LRP2BP: variants seen among roughly 807,000 people sequenced by gnomAD.
The protein encoded by LRP2BP is LRP2-binding protein.
LRP2BP carries 38 observed loss-of-function variants against 45.2 expected under a neutral mutation model. The ratio of observed to expected loss-of-function variants is 0.84; its 90% confidence interval spans 0.65 to 1.10. The LOEUF (loss-of-function observed/expected upper bound fraction) is 1.10. Among genes scored for constraint, LRP2BP ranks in the 50% least tolerant of loss-of-function variants. The pLI is 0.00. For synonymous variants in LRP2BP, 153 were observed against 153.9 expected (o/e 0.99, Z 0.04); for missense variants, 385 against 418.9 (o/e 0.92, Z 0.71).
chr4:185,376,945 C>T lies in LRP2BP; in HGVS notation c.180G>A (p.Leu60=), dbSNP rs921797965. The T allele has an allele frequency of 6.2e-7, 1 of 1,613,750 alleles. No homozygotes were observed. The highest frequency in any genetic ancestry group is 1.1e-5 in the South Asian group (1 of 91,070). Residue 60 remains leucine, a synonymous_variant, in exon 3 of 9, where the codon CTG becomes CTA. Transcript: ENST00000505916. Reference sequence around the variant, plus strand: ...ATAGTTGACCTCGTAGGAAATATGCCAGAGTGTCTCCTTTCAGTATTCTTT... The same window carrying T: ...ATAGTTGACCTCGTAGGAAATATGCTAGAGTGTCTCCTTTCAGTATTCTTT... The part of the protein sequence containing the change: ...LKERILKGDT[L]AYFLRGQLYF...
intron 8 of LRP2BP, among the ~76,000 whole-genome samples, chr4:185,369,300 C>A (rs1485927193): frequency 6.9e-6 from 1 of 145,748 alleles, no homozygotes; most frequent in Non-Finnish European, 1.5e-5. Flanking sequence ...CTCACTGCAA[C>A]CTCTGCTCCC....
At chr4:185,393,333 A>G (rs2095493303) in intron 1 of LRP2BP, among the ~76,000 whole-genome samples, 1 of 152,224 alleles carries the variant, frequency 6.6e-6, no homozygotes, top group African/African-American at 2.4e-5. Flanking sequence ...AGGAATGAGT[A>G]GGTATTCTCA....
chr4:185,377,026 T>C lies in LRP2BP; in HGVS notation c.107-8A>G, dbSNP rs1561083663. On this transcript the variant is annotated splice_region_variant and splice_polypyrimidine_tract_variant and intron_variant, in intron 2 of 8. Transcript: ENST00000505916. ...AATTAGCATGGGTGTAATCTGATTT[T>C]AAAAAGGTAAGGAATTCCATCAACC... 6.3e-7 allele frequency: 1 copy of C among 1,580,354 alleles called. No individual in the cohort carries two copies. Among genetic ancestry groups the C allele is most frequent in the Admixed American group, 1.7e-5 (1 of 59,936 alleles).
chr4:185,392,535 A>T (rs979771813), intron 1 of LRP2BP, among the ~76,000 whole-genome samples: 6 of 150,580 alleles, frequency 4.0e-5, no homozygotes, highest in African/African-American at 1.5e-4. Context: ...GTTTCTTGAC[A>T]GTGGCATTGC....
At chr4:185,368,505 G>C (rs1400900842) in intron 8 of LRP2BP, among the ~76,000 whole-genome samples, 1 of 152,118 alleles carries the variant, frequency 6.6e-6, no homozygotes, top group African/African-American at 2.4e-5. Context: ...GGACACTGCC[G>C]GTCCAGTGAA....
At chr4:185,369,762 A>G (rs909908060) in intron 8 of LRP2BP, 3 of 446,922 alleles carry the variant, frequency 6.7e-6, no homozygotes, top group South Asian at 1.6e-5. Context: ...AACTTCAACA[A>G]ATACGCTTCT....
At position 185,372,940 on chromosome 4, in the gene LRP2BP, C is replaced by T. The variant is rs748366572; in HGVS notation, c.719G>A (p.Arg240His). 6.2e-6 allele frequency: 10 copies of T among 1,613,822 alleles called. No individual in the cohort carries two copies. Among genetic ancestry groups the T allele is most frequent in the African/African-American group, 4.0e-5 (3 of 74,922 alleles). Residue 240 changes from arginine (R) to histidine (H), a missense_variant, in exon 7 of 9, where the codon CGC (arginine) becomes CAC (histidine). Arg to His is a conservative substitution (Grantham distance 29). Transcript: ENST00000505916. ...ALQCLREAAE[R>H]GNVYAQGNLV... ...ATTCCCTTGAGCATAGACGTTTCCG[C>T]GTTCTGCTGCTTCTCTTAAGCACTG...
intron 1 of LRP2BP, chr4:185,378,850 A>AT (rs2095446844): frequency 1.0e-6 from 1 of 985,390 alleles, no homozygotes; most frequent in South Asian, 4.7e-5. Flanking sequence ...ACACTTTTGT[A>AT]TTTACTCCTT....
In LRP2BP at chr4:185,371,412, G is replaced by C. The variant is rs548536303; in HGVS notation, c.804-598C>G. Among the ~76,000 whole-genome samples the C allele has an allele frequency of 1.6e-3, 242 of 152,024 alleles. 1 individual carries two copies. The highest frequency in any genetic ancestry group is 5.6e-3 in the African/African-American group (232 of 41,468). On this transcript the variant is annotated intron_variant, in intron 7 of 8. Transcript: ENST00000505916. ...AAAAAATTAGCTGGGCATGGTAGCG[G>C]GTGCCTGTAGTCCCAGCTACTCGGG... is the stretch of plus-strand genomic sequence containing the variant.
Position 185,374,469 on chromosome 4 carries a change from AAAAG to A in LRP2BP, c.331-12_331-9del, listed in dbSNP as rs551944280. On this transcript the variant is annotated splice_polypyrimidine_tract_variant and intron_variant, in intron 4 of 8. Coordinates refer to ENST00000505916, the MANE Select transcript of LRP2BP (RefSeq NM_001377440.1). ...ATAGTCCACCCCTTTCTCCTTCGACAAAAGAAAGAGCAAAAAAACCCTAGTTTTT... is the reference window on the plus strand; with the variant it reads ...ATAGTCCACCCCTTTCTCCTTCGACAAAAGAGCAAAAAAACCCTAGTTTTT... The A allele has an allele frequency of 8.6e-5, 138 of 1,605,846 alleles. No individual in the cohort carries two copies. In the South Asian group the frequency reaches 1.1e-3, roughly 12 times the overall value.
At chr4:185,381,982 T>C (rs1260721255) in intron 1 of LRP2BP, among the ~76,000 whole-genome samples, 1 of 152,200 alleles carries the variant, frequency 6.6e-6, no homozygotes, top group Admixed American at 6.5e-5. Context: ...TTCCAAAACC[T>C]TTTCATCATC....
rs550568455 is a variant in LRP2BP at position 185,395,191 on chromosome 4, C to A, written c.-434G>T. The A allele has an allele frequency of 4.3e-5, 42 of 985,174 alleles. No homozygotes were observed. The highest frequency in any genetic ancestry group is 1.8e-4 in the Admixed American group (3 of 16,252). The allele number at this position is 985,174 out of a possible 1,614,324, so 61.0% of individuals were successfully genotyped here. A position where few individuals can be genotyped will look rare whatever the true frequency, so the allele number is the denominator to read the frequency against. ...AAATTTCCTTTCCTTATGAAATTTA[C>A]GTATGTAACAGGAAGTTAAAAAATA... On this transcript the variant is annotated 5_prime_UTR_variant, in exon 1 of 9. Transcript: ENST00000505916.
Position 185,367,084 on chromosome 4 carries a change from AT to A in LRP2BP, c.*95del. On this transcript the variant is annotated 3_prime_UTR_variant, in exon 9 of 9. Coordinates refer to ENST00000505916, the MANE Select transcript of LRP2BP (RefSeq NM_001377440.1). ...CCTGTAAAATACCCAGGATAGTGTA[AT>A]TTGTGATGTGCAAAATAACCAAACA... The A allele has an allele frequency of 9.5e-7, 1 of 1,055,812 alleles. No homozygotes were observed. Among genetic ancestry groups the A allele is most frequent in the Non-Finnish European group, 1.4e-6 (1 of 691,892 alleles). 65.4% of individuals were successfully genotyped at this position (1,055,812 alleles called of 1,614,324 possible).
intron 6 of LRP2BP, among the ~76,000 whole-genome samples, chr4:185,373,393 A>T (rs1408056937): frequency 6.6e-6 from 1 of 152,074 alleles, no homozygotes; most frequent in East Asian, 1.9e-4. Flanking sequence ...CCAAATAGGA[A>T]CTCAGTGTCT....
upstream of LRP2BP, chr4:185,396,804 C>T: frequency 1.8e-6 from 2 of 1,124,272 alleles, no homozygotes; most frequent in Non-Finnish European, 2.6e-6. Flanking sequence ...CCGGAAGTCC[C>T]AGCGGTCTTT....
At chr4:185,369,046 G>A (rs1441015139) in intron 8 of LRP2BP, among the ~76,000 whole-genome samples, 2 of 151,778 alleles carry the variant, frequency 1.3e-5, no homozygotes, top group Non-Finnish European at 2.9e-5. Flanking sequence ...CTCCCACCTC[G>A]GCCTCCCAAA....
At chr4:185,396,833 G>A, upstream of LRP2BP, 1 of 1,397,868 alleles carries the variant, frequency 7.2e-7, no homozygotes, top group Non-Finnish European at 1.0e-6. Context: ...CCGTGCTAGG[G>A]CCAGCCTGCG....
intron 8 of LRP2BP, chr4:185,370,173 A>G (rs1579971083): frequency 6.1e-6 from 1 of 163,572 alleles, no homozygotes; most frequent in Non-Finnish European, 1.3e-5. Flanking sequence ...AATTGATCAC[A>G]TGGATTAAAA....
Position 185,395,013 on chromosome 4 carries a change from T to A in LRP2BP, c.-256A>T, listed in dbSNP as rs2095498125. ...CCCAAATGTACTTATCCTGTTTTTG[T>A]GCATTATAAGCTTTGTTCAGTTTAT... On this transcript the variant is annotated 5_prime_UTR_variant, in exon 1 of 9. Coordinates refer to ENST00000505916, the MANE Select transcript of LRP2BP (RefSeq NM_001377440.1). 1 of 985,384 alleles carries A rather than the reference T, an allele frequency of 1.0e-6. No homozygotes were observed. Among genetic ancestry groups the A allele is most frequent in the Non-Finnish European group, 1.2e-6 (1 of 829,950 alleles). The allele number at this position is 985,384 out of a possible 1,614,324, so 61.0% of individuals were successfully genotyped here. A position where few individuals can be genotyped will look rare whatever the true frequency, so the allele number is the denominator to read the frequency against.
Sources: allele counts gnomAD v4.1 joint callset (sites outside exome capture counted in the v4.1 genomes callset), GRCh38; gene constraint gnomAD v4.1.1; transcripts MANE v1.5; gene names NCBI Gene and HGNC (gene_info 2026-07-23, HGNC 2026-07-21).